The following VPS13A variants were observed in gnomAD, a reference collection of about 807,000 sequenced individuals.
The protein encoded by VPS13A is vacuolar protein sorting 13 homolog A.
A neutral mutation model predicts 390.9 loss-of-function variants in VPS13A; 264 were observed. The ratio of observed to expected loss-of-function variants is 0.68; its 90% CI spans 0.61 to 0.75. VPS13A has a LOEUF of 0.75. VPS13A is among the 30% of genes least tolerant of loss of function. The pLI, the probability that VPS13A is intolerant of heterozygous loss-of-function variation, is 0.00. For synonymous variants in VPS13A, 1,231 were observed against 1,227.1 expected, an observed-to-expected ratio of 1.00 and a Z score of -0.07; for missense variants, 3,409 against 3,733.9, an observed-to-expected ratio of 0.91 and a Z score of 2.27.
intron 1 of VPS13A, among the ~76,000 whole-genome samples, chr9:77,188,878 G>A (rs1432520044): frequency 6.7e-6 from 1 of 149,298 alleles, no homozygotes; most frequent in Admixed American, 6.7e-5. Flanking sequence ...GTGATGTTGA[G>A]TTTTTTTTTT....
At position 77,358,381 on chromosome 9, in the gene VPS13A, G is replaced by C; in HGVS notation, c.7978G>C (p.Val2660Leu). The stretch of plus-strand genomic sequence containing the variant: ...GATCCAAAATCAGATACATGGTGCT[G>C]TATTTCCCTTTGTGTTTTATCCTGT... ...IQIQNQIHGA[V>L]FPFVFYPVKP... is the part of the protein sequence containing the mutation. The change falls in exon 57 of 72, where the codon GTA becomes CTA. Residue 2660 changes from valine to leucine, a missense_variant. Transcript: ENST00000360280. The C allele has an allele frequency of 6.2e-7, 1 of 1,613,604 alleles. No homozygotes were observed. The highest frequency in any genetic ancestry group is 8.5e-7 in the Non-Finnish European group (1 of 1,179,874).
At position 77,344,321 on chromosome 9, in the gene VPS13A, G is replaced by A. The variant is rs768368741; in HGVS notation, c.7155+40G>A. 14 of 1,599,060 alleles carry A rather than the reference G, an allele frequency of 8.8e-6. No individual in the cohort carries two copies. The African/African-American group carries it at 1.3e-4, about 15-fold the overall frequency. ...CTTTTTTGCATGTGTCATTAGGAAA[G>A]CTAAAATATACTGACTAGTATTGTA... On this transcript the variant is annotated intron_variant, in intron 51 of 71. Coordinates refer to ENST00000360280, the MANE Select transcript of VPS13A (RefSeq NM_033305.3).
At chr9:77,395,657 G>A (rs1834092673) in intron 68 of VPS13A, 1 of 152,060 alleles carries the variant, frequency 6.6e-6, no homozygotes, top group South Asian at 2.1e-4. Flanking sequence ...AGATATGCCT[G>A]TAATTATTAG....
chr9:77,296,231 T>G (rs1827990787), intron 33 of VPS13A, among the ~76,000 whole-genome samples: 1 of 152,230 alleles, frequency 6.6e-6, no homozygotes, highest in East Asian at 1.9e-4. Context: ...TTGCTGTGGC[T>G]CTGATGCTGT....
At chr9:77,413,845 C>T (rs1163167646) in intron 71 of VPS13A, among the ~76,000 whole-genome samples, 1 of 152,170 alleles carries the variant, frequency 6.6e-6, no homozygotes, top group African/African-American at 2.4e-5. Flanking sequence ...ATCTACTCAT[C>T]TGACAAAGGG....
At chr9:77,370,222 T>C (rs764526366) in intron 63 of VPS13A, 35 bp from the exon 64 acceptor site, 11 of 1,601,390 alleles carry the variant, frequency 6.9e-6, no homozygotes, top group South Asian at 4.4e-5. Context: ...TGAATATAAC[T>C]CACTCACTCA....
At chr9:77,252,151 A>G (rs976439908) in intron 21 of VPS13A, 84 bp from the exon 22 acceptor site, 2 of 1,096,140 alleles carry the variant, frequency 1.8e-6, no homozygotes, top group African/African-American at 3.1e-5. Flanking sequence ...CATATAATGG[A>G]ATGTGTGACT....
intron 1 of VPS13A, among the ~76,000 whole-genome samples, chr9:77,192,747 C>T (rs1231102583): frequency 1.3e-5 from 2 of 151,874 alleles, no homozygotes; most frequent in Admixed American, 6.6e-5. Context: ...GTAGACCTAC[C>T]CCTTCTCTCT....
intron 54 of VPS13A, among the ~76,000 whole-genome samples, chr9:77,356,122 C>T (rs1026960252): frequency 1.3e-5 from 2 of 152,160 alleles, no homozygotes; most frequent in African/African-American, 4.8e-5. Flanking sequence ...ATAAGTCTTA[C>T]TTTATTTTCT....
At chr9:77,399,730 T>C (rs1292319796) in intron 68 of VPS13A, among the ~76,000 whole-genome samples, 1 of 152,196 alleles carries the variant, frequency 6.6e-6, no homozygotes, top group Non-Finnish European at 1.5e-5. Context: ...AAATAAAAGC[T>C]TAACTTCTGC....
At chr9:77,210,224 C>CCTCCT (rs1246294381) in intron 6 of VPS13A, among the ~76,000 whole-genome samples, 3 of 135,738 alleles carry the variant, frequency 2.2e-5, no homozygotes, top group African/African-American at 8.4e-5. Flanking sequence ...TCTTCTCTCC[C>CCTCCT]CTCCCCTCCC....
intron 7 of VPS13A, 70 bp downstream of exon 7, chr9:77,210,745 G>T (rs1825936786): frequency 1.4e-6 from 2 of 1,469,274 alleles, no homozygotes; most frequent in Non-Finnish European, 1.9e-6. Context: ...GCTACTATTT[G>T]TATATGCCAG....
chr9:77,361,060 G>A (rs1371135854), intron 59 of VPS13A, among the ~76,000 whole-genome samples: 4 of 152,130 alleles, frequency 2.6e-5, no homozygotes, highest in Admixed American at 2.6e-4. Context: ...GTCAGATATA[G>A]TCTGTTTTTC....
intron 45 of VPS13A, among the ~76,000 whole-genome samples, chr9:77,329,849 C>A (rs1011228751): frequency 6.6e-6 from 1 of 152,036 alleles, no homozygotes; most frequent in Non-Finnish European, 1.5e-5. Context: ...TAAAATTTGC[C>A]CACAGTTACA....
intron 45 of VPS13A, among the ~76,000 whole-genome samples, chr9:77,325,813 C>T (rs1829991304): frequency 6.6e-6 from 1 of 152,112 alleles, no homozygotes; most frequent in African/African-American, 2.4e-5. Context: ...TATGTTCATA[C>T]ATTTTTGTGT....
chr9:77,415,706 A>C (rs2131675520), intron 71 of VPS13A, among the ~76,000 whole-genome samples: 1 of 152,290 alleles, frequency 6.6e-6, no homozygotes, highest in Admixed American at 6.5e-5. Flanking sequence ...CATTTCACTT[A>C]ATTCTGAAGA....
rs756840749 is a variant in VPS13A, at chr9:77,371,138, G to T, written c.9066G>T (p.Gln3022His). 1.2e-6 allele frequency: 2 copies of T among 1,613,998 alleles called. No individual in the cohort carries two copies. Among genetic ancestry groups the T allele is most frequent in the South Asian group, 2.2e-5 (2 of 91,064 alleles). ...TAGACATGGCTAGCAGTACATTTCA[G>T]GGAATAAAAAGGTAAATCCTCTTTG... The part of the protein sequence containing the change: ...GIIDMASSTF[Q>H]GIKRATETSE... Residue 3022 changes from glutamine to histidine, a missense_variant, in exon 67 of 72, where the codon CAG becomes CAT. Gln to His is a conservative substitution (Grantham distance 24). Coordinates refer to ENST00000360280, the MANE Select transcript of VPS13A (RefSeq NM_033305.3).
In VPS13A at chr9:77,420,257, T is replaced by C. The variant is rs1446832357; in HGVS notation, c.*4251T>C. ...GCAAACTTTTCTCCCACTGTCATAA[T>C]TGGTCTAAAGTAGTATTTGTTTCAG... On this transcript the variant is annotated 3_prime_UTR_variant, in exon 72 of 72. Transcript: ENST00000360280. 1 of 152,216 alleles carries C rather than the reference T, an allele frequency of 6.6e-6. No individual in the cohort carries two copies. Among genetic ancestry groups the C allele is most frequent in the Non-Finnish European group, 1.5e-5 (1 of 68,036 alleles). 9.4% of individuals were successfully genotyped at this position (152,216 alleles called of 1,614,324 possible). A position where few individuals can be genotyped will look rare whatever the true frequency, so the allele number is the denominator to read the frequency against.
intron 52 of VPS13A, among the ~76,000 whole-genome samples, chr9:77,350,081 G>T (rs995138584): frequency 6.6e-6 from 1 of 152,018 alleles, no homozygotes; most frequent in African/African-American, 2.4e-5. Context: ...TTCGGTTATG[G>T]ATAATTCCTT....
Sources: allele counts gnomAD v4.1 joint callset (sites outside exome capture counted in the v4.1 genomes callset), GRCh38; gene constraint gnomAD v4.1.1; transcripts MANE v1.5; gene names NCBI Gene and HGNC (gene_info 2026-07-23, HGNC 2026-07-21).